The following IQSEC1 variants were observed in gnomAD, a reference collection of about 807,000 sequenced individuals.
IQSEC1 encodes IQ motif and SEC7 domain-containing protein 1.
Under a neutral mutation model 91.0 loss-of-function variants are expected in IQSEC1, and 31 were observed. The ratio of observed to expected loss-of-function variants is 0.34; its 90% CI spans 0.26 to 0.46. IQSEC1 has a LOEUF of 0.46. IQSEC1 is among the 20% of genes least tolerant of loss of function. IQSEC1 has a pLI of 1.00. For synonymous variants in IQSEC1, 699 were observed against 662.6 expected, an observed-to-expected ratio of 1.05 and a Z score of -0.84; for missense variants, 1,388 against 1,575.6, an observed-to-expected ratio of 0.88 and a Z score of 2.02.
chr3:13,109,520 A>G (rs1706205612), intron 2 of IQSEC1, among the ~76,000 whole-genome samples: 2 of 152,018 alleles, frequency 1.3e-5, no homozygotes, highest in Admixed American at 1.3e-4. Flanking sequence ...TGTCATCCCC[A>G]ATGCTGGAGG....
intron 2 of IQSEC1, among the ~76,000 whole-genome samples, chr3:13,098,933 T>C (rs998532833): frequency 4.6e-5 from 7 of 152,352 alleles, no homozygotes; most frequent in African/African-American, 1.7e-4. Flanking sequence ...TTTAAATGAA[T>C]GAACTTTACA....
At chr3:13,190,580 G>A (rs1290467335) in intron 1 of IQSEC1, among the ~76,000 whole-genome samples, 1 of 149,546 alleles carries the variant, frequency 6.7e-6, no homozygotes, top group East Asian at 1.9e-4. Context: ...GATAAAGTGT[G>A]GCCTTGACCT....
chr3:13,132,331 C>T (rs1706634618), intron 2 of IQSEC1, among the ~76,000 whole-genome samples: 1 of 152,206 alleles, frequency 6.6e-6, no homozygotes, highest in South Asian at 2.1e-4. Flanking sequence ...AAGCACTTTT[C>T]CCTCTACTTT....
intron 3 of IQSEC1, among the ~76,000 whole-genome samples, chr3:12,926,376 C>T (rs1697136595): frequency 6.6e-6 from 1 of 152,124 alleles, no homozygotes; most frequent in Non-Finnish European, 1.5e-5. Flanking sequence ...CCACATGTGA[C>T]CCTGAAGGAT....
At chr3:13,131,768 T>C (rs546528537) in intron 2 of IQSEC1, among the ~76,000 whole-genome samples, 1 of 152,304 alleles carries the variant, frequency 6.6e-6, no homozygotes, top group East Asian at 1.9e-4. Context: ...ATTATAGGTG[T>C]GCACTGCAGC....
intron 1 of IQSEC1, among the ~76,000 whole-genome samples, chr3:13,206,190 C>T (rs2248635): frequency 6.6e-6 from 1 of 152,056 alleles, no homozygotes; most frequent in Non-Finnish European, 1.5e-5. Flanking sequence ...TCCATCCACC[C>T]ATCCACCCCT....
intron 1 of IQSEC1, among the ~76,000 whole-genome samples, chr3:13,052,185 C>T (rs371827305): frequency 5.4e-4 from 83 of 152,334 alleles, no homozygotes; most frequent in African/African-American, 1.9e-3. Flanking sequence ...TCTCCGGGCA[C>T]CCTCTGTAGC....
At chr3:13,105,253 C>G (rs911711428) in intron 2 of IQSEC1, among the ~76,000 whole-genome samples, 4 of 152,118 alleles carry the variant, frequency 2.6e-5, no homozygotes, top group Non-Finnish European at 5.9e-5. Flanking sequence ...GATCCCCTCC[C>G]CTCCAGGGGA....
At chr3:13,203,747 T>G (rs1241148133) in intron 1 of IQSEC1, among the ~76,000 whole-genome samples, 1 of 152,190 alleles carries the variant, frequency 6.6e-6, no homozygotes, top group African/African-American at 2.4e-5. Context: ...TGGAAGAGAC[T>G]GACAGCCCCT....
intron 1 of IQSEC1, among the ~76,000 whole-genome samples, chr3:13,058,067 G>A (rs1333213812): frequency 6.6e-6 from 1 of 152,246 alleles, no homozygotes; most frequent in Non-Finnish European, 1.5e-5. Flanking sequence ...GAGGTCAGGA[G>A]TTCAAGACCA....
chr3:13,167,001 G>A (rs1210249567), intron 1 of IQSEC1, among the ~76,000 whole-genome samples: 2 of 152,256 alleles, frequency 1.3e-5, no homozygotes, highest in East Asian at 1.9e-4. Context: ...CCGGGGTGGA[G>A]GATGCCTGTG....
At position 12,994,193 on chromosome 3, in the gene IQSEC1, G is replaced by A. The variant is rs1702127372; in HGVS notation, c.24-52328C>T. On this transcript the variant is annotated intron_variant, in intron 1 of 13. Coordinates refer to ENST00000613206, the MANE Select transcript of IQSEC1 (RefSeq NM_001134382.3). This position sits in a 1 kb window ranked among gnomAD's most constrained non-coding sequence, Gnocchi z 4.5. ...CGGGGGCGGGCGCTCGGGAGCCGGA[G>A]CCGGAGCCCGAGCCCGATACCAGCG... is the stretch of plus-strand genomic sequence containing the variant. 1.4e-5 allele frequency among the ~76,000 whole-genome samples: 2 copies of A among 147,302 alleles called. No individual in the cohort carries two copies. The highest frequency in any genetic ancestry group is 2.5e-5 in the African/African-American group (1 of 40,768).
At chr3:13,062,314 C>T (rs1705093627) in intron 1 of IQSEC1, among the ~76,000 whole-genome samples, 1 of 152,186 alleles carries the variant, frequency 6.6e-6, no homozygotes, top group Non-Finnish European at 1.5e-5. Flanking sequence ...GGAATAATCT[C>T]TATAGGTCAC....
intron 1 of IQSEC1, among the ~76,000 whole-genome samples, chr3:13,204,086 G>C (rs1694295463): frequency 6.6e-6 from 1 of 152,252 alleles, no homozygotes; most frequent in African/African-American, 2.4e-5. Flanking sequence ...CAGAAGGGAG[G>C]ACGCAGGCAC....
intron 2 of IQSEC1, among the ~76,000 whole-genome samples, chr3:13,121,930 G>C (rs1039776125): frequency 6.6e-6 from 1 of 152,220 alleles, no homozygotes; most frequent in Non-Finnish European, 1.5e-5. Flanking sequence ...AGGCTGAATG[G>C]GGACCTTCAT....
intron 1 of IQSEC1, among the ~76,000 whole-genome samples, chr3:13,191,477 A>ATTTTTTTTTTTTTTTTTT (rs57912681): frequency 7.6e-5 from 7 of 92,104 alleles, no homozygotes; most frequent in Non-Finnish European, 9.8e-5. Flanking sequence ...CACCCAGCTA[A>ATTTTTTTTTTTTTTTTTT]TTTTTTTTTT....
At chr3:12,929,327 G>T (rs1253963859) in intron 3 of IQSEC1, among the ~76,000 whole-genome samples, 1 of 152,236 alleles carries the variant, frequency 6.6e-6, no homozygotes, top group South Asian at 2.1e-4. Context: ...CTCACCCGGG[G>T]TGATGCCACA....
rs557329703 is a variant in IQSEC1, at chr3:12,992,078, AG to A, written c.24-50214del. 4.7e-3 allele frequency among the ~76,000 whole-genome samples: 714 copies of A among 152,198 alleles called. 4 individuals carry two copies. Among genetic ancestry groups the A allele is most frequent in the Middle Eastern group, 6.8e-3 (2 of 294 alleles). ...TGTCCCTCCACTGCAGAGACCTCTG[AG>A]GGGACACCGAGTCCTCCGAGCATTC... On this transcript the variant is annotated intron_variant, in intron 1 of 13. Transcript: ENST00000613206. This position sits in a 1 kb window ranked among gnomAD's most constrained non-coding sequence, Gnocchi z 4.1.
Position 13,211,730 on chromosome 3 carries a change from C to T in IQSEC1, c.273-47597G>A, listed in dbSNP as rs1211381936. 6.6e-6 allele frequency among the ~76,000 whole-genome samples: 1 copy of T among 152,064 alleles called. No homozygotes were observed. Among genetic ancestry groups the T allele is most frequent in the Non-Finnish European group, 1.5e-5 (1 of 67,996 alleles). On this transcript the variant is annotated intron_variant, in intron 1 of 15. Coordinates refer to the IQSEC1 transcript ENST00000648114. This position sits in a 1 kb window ranked among gnomAD's most constrained non-coding sequence, Gnocchi z 5.3. ...TTCCCAAATCTAGGTGCCCAGCCTC[C>T]AGGCCTTTGCCCTGGAACTTCCCTC...
Sources: gnomAD v4.1 joint callset for allele counts (sites outside exome capture counted in the v4.1 genomes callset) on GRCh38, gnomAD v4.1.1 for gene constraint, Gnocchi (gnomAD v3.1) non-coding constraint, MANE v1.5 for transcripts, NCBI Gene and HGNC (gene_info 2026-07-23, HGNC 2026-07-21) for gene names.